The following KCNA2 variants were observed in gnomAD, a reference collection of about 807,000 sequenced individuals.
KCNA2 encodes potassium channel, voltage gated shaker related subfamily A, member 2.
Under a neutral mutation model 33.4 loss-of-function variants are expected in KCNA2, and 11 were observed. That is an observed-to-expected ratio of 0.33 (90% CI 0.21 to 0.55). The LOEUF is 0.55. Among genes scored for constraint, KCNA2 ranks in the 20% least tolerant of loss-of-function variants. KCNA2 has a pLI of 0.93. For missense variants in KCNA2, 291 were observed against 621.6 expected (o/e 0.47, Z 5.66); for synonymous variants, 222 against 231.3 (o/e 0.96, Z 0.37).
In KCNA2 at chr1:110,597,268, T is replaced by C; in HGVS notation, c.*6015A>G. The C allele has an allele frequency of 1.0e-6, 1 of 985,436 alleles. No homozygotes were observed. Among genetic ancestry groups the C allele is most frequent in the African/African-American group, 1.7e-5 (1 of 57,354 alleles). The allele number at this position is 985,436 out of a possible 1,614,324, so 61.0% of individuals were successfully genotyped here. A position where few individuals can be genotyped will look rare whatever the true frequency, so the allele number is the denominator to read the frequency against. ...GAGAAGGGGAAGCAAAAGGATCAAG[T>C]AATGGCTTTTAGTGCATGGAAATGA... On this transcript the variant is annotated 3_prime_UTR_variant, in exon 3 of 3. Transcript: ENST00000316361.
At chr1:110,615,646 G>C (rs570674135) in intron 1 of KCNA2, among the ~76,000 whole-genome samples, 1 of 152,174 alleles carries the variant, frequency 6.6e-6, no homozygotes, top group Non-Finnish European at 1.5e-5. Context: ...TTGGTGCTTC[G>C]ATCGACCCAA....
rs897576314 is a variant in KCNA2 at position 110,598,353 on chromosome 1, A to G, written c.*4930T>C. 8 of 983,070 alleles carry G rather than the reference A, an allele frequency of 8.1e-6. No homozygotes were observed. Among genetic ancestry groups the G allele is most frequent in the Non-Finnish European group, 6.0e-6 (5 of 827,976 alleles). 60.9% of individuals were successfully genotyped at this position (983,070 alleles called of 1,614,324 possible). On this transcript the variant is annotated 3_prime_UTR_variant, in exon 3 of 3. Coordinates refer to ENST00000316361, the MANE Select transcript of KCNA2 (RefSeq NM_004974.4). ...TGCCTGACATAGGGGTAGTGGTGCC[A>G]CCTTCATATGCAATTTGCACACTGT...
chr1:110,601,828 G>GTGTGTGTGTGTGTGTGTGTGTA lies in KCNA2; in HGVS notation c.*1454_*1455insTACACACACACACACACACACA. On this transcript the variant is annotated 3_prime_UTR_variant, in exon 3 of 3. Coordinates refer to ENST00000316361, the MANE Select transcript of KCNA2 (RefSeq NM_004974.4). ...TGTGTGTGTGTGTGTGTGTGTGTGT[G>GTGTGTGTGTGTGTGTGTGTGTA]TATACATATACACACATATGTATGT... The GTGTGTGTGTGTGTGTGTGTGTA allele has an allele frequency of 8.1e-7, 1 of 1,241,028 alleles. No individual in the cohort carries two copies. The highest frequency in any genetic ancestry group is 1.7e-5 in the African/African-American group (1 of 60,038). The allele number at this position is 1,241,028 out of a possible 1,614,324, so 76.9% of individuals were successfully genotyped here.
At chr1:110,625,100 C>G (rs1344103082) in intron 1 of KCNA2, among the ~76,000 whole-genome samples, 1 of 152,236 alleles carries the variant, frequency 6.6e-6, no homozygotes, top group African/African-American at 2.4e-5. Flanking sequence ...GGCCACACAG[C>G]CCTCACTCAG....
Position 110,596,334 on chromosome 1 carries a change from AC to A in KCNA2, c.*6948del. The stretch of plus-strand genomic sequence containing the variant: ...AAAAATAGTATACATATATACATAT[AC>A]TATATATATATATATACACACATAA... On this transcript the variant is annotated 3_prime_UTR_variant, in exon 3 of 3. Transcript: ENST00000316361. The A allele has an allele frequency of 1.2e-5, 5 of 402,586 alleles. No homozygotes were observed. Among genetic ancestry groups the A allele is most frequent in the Non-Finnish European group, 1.7e-5 (5 of 302,336 alleles). 24.9% of individuals were successfully genotyped at this position (402,586 alleles called of 1,614,324 possible).
chr1:110,599,330 T>C lies in KCNA2; in HGVS notation c.*3953A>G, dbSNP rs1649237645. On this transcript the variant is annotated 3_prime_UTR_variant, in exon 3 of 3. Transcript: ENST00000316361. ...AAAGTATTTAAATATGGCCTTAGAA[T>C]ATAGGATAAAGTCAGGCCCTCTAAA... 13 of 984,608 alleles carry C rather than the reference T, an allele frequency of 1.3e-5. No homozygotes were observed. The highest frequency in any genetic ancestry group is 1.6e-5 in the Non-Finnish European group (13 of 829,304). 61.0% of individuals were successfully genotyped at this position (984,608 alleles called of 1,614,324 possible).
In KCNA2 at chr1:110,603,958, A is replaced by G; in HGVS notation, c.825T>C (p.Ala275=). 6.2e-7 allele frequency: 1 copy of G among 1,614,204 alleles called. No individual in the cohort carries two copies. The highest frequency in any genetic ancestry group is 8.5e-7 in the Non-Finnish European group (1 of 1,180,028). Residue 275 remains alanine (A), a synonymous_variant, in exon 3 of 3, where the codon GCT becomes GCC. Coordinates refer to ENST00000316361, the MANE Select transcript of KCNA2 (RefSeq NM_004974.4). This position sits in a 1 kb window ranked among gnomAD's most constrained non-coding sequence, Gnocchi z 5.7. ...CTTGCTGAGCGTCCTCTGGCTTCTC[A>G]GCCAACTCTGTCCCCAGGGTGATGA... ...PYFITLGTEL[A]EKPEDAQQGQ...
At chr1:110,608,476 C>T (rs1410701622), upstream of KCNA2, among the ~76,000 whole-genome samples, 1 of 152,204 alleles carries the variant, frequency 6.6e-6, no homozygotes, top group Admixed American at 6.5e-5. Context: ...GGAAACCCTC[C>T]TCTCTATGCG....
At chr1:110,630,009 C>CTTTTTTT (rs372364243) in intron 1 of KCNA2, among the ~76,000 whole-genome samples, 22 of 115,214 alleles carry the variant, frequency 1.9e-4, no homozygotes, top group East Asian at 2.5e-4. Context: ...GTGCTCTGTA[C>CTTTTTTT]TTTTTTTTTT....
At position 110,604,381 on chromosome 1, in the gene KCNA2, C is replaced by T; in HGVS notation, c.402G>A (p.Lys134=). 1 of 1,614,124 alleles carries T rather than the reference C, an allele frequency of 6.2e-7. No homozygotes were observed. Among genetic ancestry groups the T allele is most frequent in the Non-Finnish European group, 8.5e-7 (1 of 1,180,016 alleles). ...EMFREDEGYI[K]EEERPLPENE... ...TTTCAGGCAGAGGACGCTCTTCCTC[C>T]TTGATGTAGCCTTCATCTTCCCGAA... Residue 134 remains lysine, a synonymous_variant, in exon 3 of 3, where the codon AAG becomes AAA. Transcript: ENST00000316361. This position sits in a 1 kb window ranked among gnomAD's most constrained non-coding sequence, Gnocchi z 7.6.
At position 110,598,597 on chromosome 1, in the gene KCNA2, G is replaced by A. The variant is rs1229282654; in HGVS notation, c.*4686C>T. 3.0e-6 allele frequency: 3 copies of A among 985,284 alleles called. No individual in the cohort carries two copies. The African/African-American group carries it at 5.2e-5, about 17-fold the overall frequency. The allele number at this position is 985,284 out of a possible 1,614,324, so 61.0% of individuals were successfully genotyped here. On this transcript the variant is annotated 3_prime_UTR_variant, in exon 3 of 3. Transcript: ENST00000316361. The stretch of plus-strand genomic sequence containing the variant: ...ACGGAGCAGCAACATGAACACCCAG[G>A]CTGGGGTCTCAGGCCATCATAGCTT...
At chr1:110,626,113 G>A (rs540455299) in intron 1 of KCNA2, among the ~76,000 whole-genome samples, 130 of 152,240 alleles carry the variant, frequency 8.5e-4, no homozygotes, top group Non-Finnish European at 1.6e-3. Flanking sequence ...TTTATTCTAT[G>A]AATACACCTA....
At position 110,603,525 on chromosome 1, in the gene KCNA2, C is replaced by G; in HGVS notation, c.1258G>C (p.Glu420Gln). 1 of 1,614,078 alleles carries G rather than the reference C, an allele frequency of 6.2e-7. No homozygotes were observed. Among genetic ancestry groups the G allele is most frequent in the Non-Finnish European group, 8.5e-7 (1 of 1,180,024 alleles). The stretch of plus-strand genomic sequence containing the variant: ...TGGGCCTGTTCCTCTCCCTCTGTCT[C>G]CCGGTGGTAGAAGTAGTTGAAATTG... ...VSNFNYFYHR[E>Q]TEGEEQAQYL... The change falls in exon 3 of 3, where the codon GAG (glutamate) becomes CAG (glutamine). Residue 420 changes from glutamate (E) to glutamine (Q), a missense_variant. Physicochemically the swap from Glu to Gln is conservative, Grantham distance 29 (BLOSUM62 2). This residue lies in a region of KCNA2 where 65 missense variants were observed against 95.1 expected (regional missense o/e 0.68). Coordinates refer to ENST00000316361, the MANE Select transcript of KCNA2 (RefSeq NM_004974.4). This position sits in a 1 kb window ranked among gnomAD's most constrained non-coding sequence, Gnocchi z 5.7.
chr1:110,618,594 G>A (rs896708005), intron 1 of KCNA2, among the ~76,000 whole-genome samples: 3 of 152,270 alleles, frequency 2.0e-5, no homozygotes, highest in African/African-American at 7.2e-5. Flanking sequence ...CATAAGGAGA[G>A]GATGGAGAGG....
In KCNA2 at chr1:110,601,913, A is replaced by C. The variant is rs1438968948; in HGVS notation, c.*1370T>G. The C allele has an allele frequency of 2.1e-6, 3 of 1,461,880 alleles. No individual in the cohort carries two copies. Among genetic ancestry groups the C allele is most frequent in the Admixed American group, 4.8e-5 (2 of 41,332 alleles). The allele number at this position is 1,461,880 out of a possible 1,614,324, so 90.6% of individuals were successfully genotyped here. A position where few individuals can be genotyped will look rare whatever the true frequency, so the allele number is the denominator to read the frequency against. On this transcript the variant is annotated 3_prime_UTR_variant, in exon 3 of 3. Coordinates refer to ENST00000316361, the MANE Select transcript of KCNA2 (RefSeq NM_004974.4). ...ATGCATAAATTGCCCTTTGTCAAAA[A>C]TATTGCATAAGCTTGTACAATGTTC...
chr1:110,618,116 A>G (rs1650128885), intron 1 of KCNA2, among the ~76,000 whole-genome samples: 1 of 152,200 alleles, frequency 6.6e-6, no homozygotes, highest in African/African-American at 2.4e-5. Flanking sequence ...CCAAAGCAGG[A>G]GGATTGCTTG....
At position 110,593,860 on chromosome 1, in the gene KCNA2, A is replaced by G; in HGVS notation, c.*9423T>C. 1.3e-6 allele frequency: 2 copies of G among 1,549,486 alleles called. No homozygotes were observed. The highest frequency in any genetic ancestry group is 1.7e-6 in the Non-Finnish European group (2 of 1,146,586). On this transcript the variant is annotated 3_prime_UTR_variant, in exon 3 of 3. Coordinates refer to ENST00000316361, the MANE Select transcript of KCNA2 (RefSeq NM_004974.4). ...GTGGGGCAGTGTTGGTGGGGCTGAA[A>G]GCTTCCAGAATATGTCAGCAAGAAT... is the stretch of plus-strand genomic sequence containing the variant.
At position 110,598,607 on chromosome 1, in the gene KCNA2, C is replaced by T. The variant is rs1050609696; in HGVS notation, c.*4676G>A. 1.2e-5 allele frequency: 12 copies of T among 985,282 alleles called. No homozygotes were observed. The South Asian group carries it at 1.4e-4, about 12-fold the overall frequency. 61.0% of individuals were successfully genotyped at this position (985,282 alleles called of 1,614,324 possible). On this transcript the variant is annotated 3_prime_UTR_variant, in exon 3 of 3. Coordinates refer to ENST00000316361, the MANE Select transcript of KCNA2 (RefSeq NM_004974.4). ...AACATGAACACCCAGGCTGGGGTCT[C>T]AGGCCATCATAGCTTCCATGGGAGC... is the stretch of plus-strand genomic sequence containing the variant.
In KCNA2 at chr1:110,604,321, T is replaced by C. The variant is rs1649499414; in HGVS notation, c.462A>G (p.Glu154=). The change falls in exon 3 of 3, where the codon GAA becomes GAG. Residue 154 remains glutamate (E), a synonymous_variant. Transcript: ENST00000316361. The surrounding 1 kb of genome is among the most constrained non-coding windows in gnomAD (Gnocchi z 7.6). ...EFQRQVWLLF[E]YPESSGPARI... is the part of the protein sequence containing the mutation. Reference sequence around the variant, plus strand: ...TGGCAGGCCCTGAGCTCTCTGGGTATTCAAAGAGAAGCCACACTTGTCTCT... The same window carrying C: ...TGGCAGGCCCTGAGCTCTCTGGGTACTCAAAGAGAAGCCACACTTGTCTCT... 1 of 1,613,710 alleles carries C rather than the reference T, an allele frequency of 6.2e-7. No homozygotes were observed. Among genetic ancestry groups the C allele is most frequent in the African/African-American group, 1.3e-5 (1 of 74,850 alleles).
Sources: allele counts gnomAD v4.1 joint callset (sites outside exome capture counted in the v4.1 genomes callset), GRCh38; gene constraint gnomAD v4.1.1; regional missense constraint gnomAD v4.1.1; non-coding constraint Gnocchi (gnomAD v3.1); transcripts MANE v1.5; gene names NCBI Gene and HGNC (gene_info 2026-07-23, HGNC 2026-07-21).